CTNNA3: variants seen among roughly 807,000 people sequenced by gnomAD.
CTNNA3 encodes catenin alpha 3, also known as catenin alpha-3.
A neutral mutation model predicts 95.7 loss-of-function variants in CTNNA3; 76 were observed. The observed-to-expected ratio is 0.79, with a 90% CI of 0.66 to 0.96. CTNNA3 has a LOEUF of 0.96. Ranked by LOEUF, CTNNA3 falls within the 40% of genes least tolerant of loss-of-function variation. The probability of loss-of-function intolerance (pLI) is 0.00; values close to 1 mark genes in which losing one functional copy is unlikely to be tolerated. For synonymous variants in CTNNA3, 431 were observed against 374.4 expected (o/e 1.15, Z -1.74); for missense variants, 1,191 against 1,089.8 (o/e 1.09, Z -1.31).
At chr10:66,734,379 G>C (rs139947046) in intron 9 of CTNNA3, among the ~76,000 whole-genome samples, 3 of 151,906 alleles carry the variant, frequency 2.0e-5, no homozygotes, top group Admixed American at 2.0e-4. Context: ...ATAATAATGG[G>C]AATCTGAACT....
intron 9 of CTNNA3, among the ~76,000 whole-genome samples, chr10:66,724,932 G>C (rs1267224525): frequency 6.6e-6 from 1 of 152,030 alleles, no homozygotes; most frequent in Non-Finnish European, 1.5e-5. Flanking sequence ...TTTCAAAGTG[G>C]GGACTGGTTC....
intron 13 of CTNNA3, among the ~76,000 whole-genome samples, chr10:66,201,497 T>C (rs1389837593): frequency 1.3e-5 from 2 of 152,216 alleles, no homozygotes; most frequent in Non-Finnish European, 2.9e-5. Context: ...CCAATAGGCC[T>C]ATATCTAATC....
At chr10:66,108,317 A>C (rs1317638354) in intron 13 of CTNNA3, among the ~76,000 whole-genome samples, 1 of 152,058 alleles carries the variant, frequency 6.6e-6, no homozygotes, top group African/African-American at 2.4e-5. Flanking sequence ...ATATTCAAGA[A>C]ATCAGTGACA....
intron 7 of CTNNA3, among the ~76,000 whole-genome samples, chr10:67,105,261 A>ATAGATAGATAGATAG: frequency 6.6e-6 from 1 of 151,598 alleles, no homozygotes; most frequent in Non-Finnish European, 1.5e-5. Flanking sequence ...AGATAGATAG[A>ATAGATAGATAGATAG]ATTAATTCTA....
intron 7 of CTNNA3, among the ~76,000 whole-genome samples, chr10:66,992,919 C>T (rs1408534100): frequency 6.6e-6 from 1 of 151,958 alleles, no homozygotes; most frequent in East Asian, 1.9e-4. Context: ...TATCCCGGTA[C>T]TATTATTATA....
intron 7 of CTNNA3, chr10:67,054,670 T>C (rs1030938733): frequency 3.0e-4 from 45 of 152,190 alleles, no homozygotes; most frequent in African/African-American, 1.1e-3. Flanking sequence ...TGTCACAAAG[T>C]GGGAGAGGCA....
intron 10 of CTNNA3, among the ~76,000 whole-genome samples, chr10:66,602,652 C>T (rs138602654): frequency 2.0e-4 from 30 of 151,944 alleles, no homozygotes; most frequent in African/African-American, 6.7e-4. Flanking sequence ...AAAAAGGAAA[C>T]CGCAGACCAA....
chr10:66,161,301 T>C (rs2084831257), intron 13 of CTNNA3, among the ~76,000 whole-genome samples: 1 of 152,214 alleles, frequency 6.6e-6, no homozygotes, highest in Non-Finnish European at 1.5e-5. Context: ...TCCTGTGTGA[T>C]TTATGGTTTA....
intron 7 of CTNNA3, among the ~76,000 whole-genome samples, chr10:66,954,075 T>C (rs1848673300): frequency 6.6e-6 from 1 of 152,198 alleles, no homozygotes; most frequent in Non-Finnish European, 1.5e-5. Context: ...AATTCCTAAC[T>C]TAAAATGCTG....
chr10:66,162,666 C>T (rs764739417), intron 13 of CTNNA3, among the ~76,000 whole-genome samples: 3 of 152,090 alleles, frequency 2.0e-5, no homozygotes, highest in African/African-American at 4.8e-5. Flanking sequence ...TCATTTAATG[C>T]TTTATTTTTG....
intron 14 of CTNNA3, among the ~76,000 whole-genome samples, chr10:66,076,954 C>T (rs901623874): frequency 2.0e-5 from 3 of 151,660 alleles, no homozygotes; most frequent in African/African-American, 4.8e-5. Context: ...TATATTTTAT[C>T]TGTGAATCTA....
At chr10:65,941,854 G>GA (rs34634377) in intron 17 of CTNNA3, among the ~76,000 whole-genome samples, 6 of 150,806 alleles carry the variant, frequency 4.0e-5, no homozygotes, top group East Asian at 1.9e-4. Flanking sequence ...ACAATGGGGA[G>GA]AAAAAAAAAT....
At chr10:66,736,452 C>T (rs1386043942) in intron 9 of CTNNA3, among the ~76,000 whole-genome samples, 2 of 151,842 alleles carry the variant, frequency 1.3e-5, no homozygotes, top group Non-Finnish European at 2.9e-5. Flanking sequence ...CTCGGCCTCC[C>T]AATGTGCTGA....
In CTNNA3 at chr10:66,668,422, ATGTG is replaced by A. The variant is rs3055580; in HGVS notation, c.1282-46642_1282-46639del. ...CTAAAACTTTTTTCTCAACTCTCAT[ATGTG>A]TGTGTGTGTGTGTGTGTGTGTGTGT... On this transcript the variant is annotated intron_variant, in intron 9 of 17. Coordinates refer to ENST00000433211, the MANE Select transcript of CTNNA3 (RefSeq NM_013266.4). Among the ~76,000 whole-genome samples the A allele has an allele frequency of 5.6e-3, 823 of 146,924 alleles. 6 individuals carry two copies. The highest frequency in any genetic ancestry group is 0.011 in the African/African-American group (420 of 39,714).
chr10:66,356,122 G>T (rs201088142), intron 12 of CTNNA3, among the ~76,000 whole-genome samples: 4,316 of 116,808 alleles, frequency 0.037, 189 homozygotes, highest in African/African-American at 0.12. Context: ...TGCTTGTTTT[G>T]TTTTTTTTTT....
intron 12 of CTNNA3, among the ~76,000 whole-genome samples, chr10:66,315,031 AT>A (rs933899876): frequency 3.3e-5 from 5 of 152,120 alleles, no homozygotes; most frequent in African/African-American, 1.2e-4. Context: ...CCAAGAAGAT[AT>A]GGAAAAAACT....
At chr10:66,064,073 C>T (rs1340942742) in intron 15 of CTNNA3, among the ~76,000 whole-genome samples, 1 of 152,092 alleles carries the variant, frequency 6.6e-6, no homozygotes, top group African/African-American at 2.4e-5. Flanking sequence ...CACAGTTCCG[C>T]ATGGCTGGGG....
At chr10:66,547,436 G>A (rs1040599483) in intron 10 of CTNNA3, among the ~76,000 whole-genome samples, 45 of 136,780 alleles carry the variant, frequency 3.3e-4, no homozygotes, top group African/African-American at 7.2e-4. Context: ...TCCACCTCCC[G>A]GGTTGATGCC....
intron 11 of CTNNA3, among the ~76,000 whole-genome samples, chr10:66,428,709 A>G (rs145983004): frequency 0.015 from 2,314 of 152,304 alleles, 73 homozygotes; most frequent in African/African-American, 0.053. Context: ...AACCAACGAG[A>G]ACAAAGACAT....
Sources: allele counts gnomAD v4.1 joint callset (sites outside exome capture counted in the v4.1 genomes callset), GRCh38; gene constraint gnomAD v4.1.1; transcripts MANE v1.5; gene names NCBI Gene and HGNC (gene_info 2026-07-23, HGNC 2026-07-21).